The following ADAMTSL1 variants were observed in gnomAD, a reference collection of about 807,000 sequenced individuals.
ADAMTSL1 encodes the protein ADAMTS like 1, also known as ADAMTS-like protein 1.
A neutral mutation model predicts 201.8 loss-of-function variants in ADAMTSL1; 126 were observed. The observed-to-expected ratio is 0.62, with a 90% CI of 0.54 to 0.72. The LOEUF (loss-of-function observed/expected upper bound fraction) is 0.72, where lower values mean the gene tolerates loss of function less well. ADAMTSL1 is among the 30% of genes least tolerant of loss of function. ADAMTSL1 has a pLI of 0.00. For synonymous variants in ADAMTSL1, 1,121 were observed against 903.4 expected (o/e 1.24, Z -4.32); for missense variants, 2,679 against 2,277.8 (o/e 1.18, Z -3.59).
At chr9:18,092,071 C>T (rs988967441) in intron 1 of ADAMTSL1, among the ~76,000 whole-genome samples, 4 of 152,004 alleles carry the variant, frequency 2.6e-5, no homozygotes, top group Non-Finnish European at 5.9e-5. Context: ...ATACTACATC[C>T]CCAAGCAGCT....
At chr9:18,756,076 A>AATATATATATATATATATAT (rs55717414) in intron 16 of ADAMTSL1, among the ~76,000 whole-genome samples, 49 of 80,702 alleles carry the variant, frequency 6.1e-4, no homozygotes, top group Non-Finnish European at 8.4e-4. Flanking sequence ...CTCTACTGAA[A>AATATATATATATATATATAT]ATATATATAT....
chr9:17,978,078 G>A (rs1209193080), intron 1 of ADAMTSL1, among the ~76,000 whole-genome samples: 2 of 151,792 alleles, frequency 1.3e-5, no homozygotes, highest in African/African-American at 2.4e-5. Flanking sequence ...CTCTTTACTG[G>A]TTTTAAAGTC....
chr9:18,254,366 T>G (rs1328069937), intron 2 of ADAMTSL1, among the ~76,000 whole-genome samples: 1 of 115,528 alleles, frequency 8.7e-6, no homozygotes, highest in Non-Finnish European at 1.8e-5. Context: ...TTTTTTTTTT[T>G]TTTTTTTTTT....
chr9:18,577,860 A>G (rs1216725424), intron 4 of ADAMTSL1, among the ~76,000 whole-genome samples: 2 of 152,190 alleles, frequency 1.3e-5, no homozygotes, highest in Non-Finnish European at 2.9e-5. Context: ...TACTATCCCC[A>G]TCATCATTTC....
intron 2 of ADAMTSL1, among the ~76,000 whole-genome samples, chr9:18,221,659 C>G (rs570517899): frequency 1.3e-5 from 2 of 152,114 alleles, no homozygotes; most frequent in South Asian, 4.2e-4. Flanking sequence ...TTTCTAATTT[C>G]CATTATAATT....
At chr9:18,531,889 C>A (rs1362850876) in intron 2 of ADAMTSL1, among the ~76,000 whole-genome samples, 4 of 152,146 alleles carry the variant, frequency 2.6e-5, no homozygotes, top group Non-Finnish European at 4.4e-5. Context: ...AATTTTAGCT[C>A]TACAACTTAA....
chr9:18,446,095 A>G (rs1563965733), intron 2 of ADAMTSL1, among the ~76,000 whole-genome samples: 1 of 152,148 alleles, frequency 6.6e-6, no homozygotes, highest in East Asian at 1.9e-4. Flanking sequence ...TCCTGTATTG[A>G]ACAACATTTA....
chr9:18,186,832 AACAC>A (rs35993162), intron 2 of ADAMTSL1, among the ~76,000 whole-genome samples: 46,513 of 149,458 alleles, frequency 0.31, 7,444 homozygotes, highest in South Asian at 0.43. Context: ...ATCACTGTAC[AACAC>A]ACACACACAC....
intron 1 of ADAMTSL1, among the ~76,000 whole-genome samples, chr9:18,076,673 G>A (rs1034226555): frequency 2.6e-5 from 4 of 152,178 alleles, no homozygotes; most frequent in African/African-American, 9.7e-5. Flanking sequence ...GCTAATGTTG[G>A]CCAGTGTGGC....
chr9:18,182,754 C>T (rs973204519), intron 2 of ADAMTSL1, among the ~76,000 whole-genome samples: 2 of 152,258 alleles, frequency 1.3e-5, no homozygotes, highest in South Asian at 2.1e-4. Flanking sequence ...AACTGAGGCA[C>T]GGAGTGATTA....
intron 1 of ADAMTSL1, among the ~76,000 whole-genome samples, chr9:18,049,772 C>T (rs1012647529): frequency 1.6e-4 from 25 of 152,120 alleles, no homozygotes; most frequent in African/African-American, 5.6e-4. Flanking sequence ...TACAGGCGCC[C>T]ACCACTGCGC....
At chr9:18,305,855 T>C (rs1747706640) in intron 2 of ADAMTSL1, among the ~76,000 whole-genome samples, 1 of 151,946 alleles carries the variant, frequency 6.6e-6, no homozygotes. Flanking sequence ...ACTCAAGCTC[T>C]ACTAAGAGAC....
chr9:18,557,519 C>T (rs909805807), intron 3 of ADAMTSL1, among the ~76,000 whole-genome samples: 3 of 151,960 alleles, frequency 2.0e-5, no homozygotes, highest in African/African-American at 7.3e-5. Flanking sequence ...ATTCATGGTG[C>T]TGTGTTGCAT....
intron 1 of ADAMTSL1, among the ~76,000 whole-genome samples, chr9:18,480,833 A>G (rs1263804535): frequency 2.0e-5 from 3 of 152,182 alleles, no homozygotes; most frequent in Admixed American, 2.0e-4. Context: ...CAGGGAAAAT[A>G]GGAAAATGGG....
chr9:18,488,078 G>A (rs936439690), intron 1 of ADAMTSL1, among the ~76,000 whole-genome samples: 3 of 152,118 alleles, frequency 2.0e-5, no homozygotes, highest in Non-Finnish European at 4.4e-5. Flanking sequence ...AATATCTAAC[G>A]AATAGAAGCA....
chr9:18,655,243 A>C, intron 7 of ADAMTSL1, among the ~76,000 whole-genome samples: 1 of 152,172 alleles, frequency 6.6e-6, no homozygotes, highest in East Asian at 1.9e-4. Flanking sequence ...TTAAAGCTCA[A>C]CCATAACCCC....
chr9:18,032,264 C>A (rs1248854239), intron 1 of ADAMTSL1, among the ~76,000 whole-genome samples: 2 of 152,192 alleles, frequency 1.3e-5, no homozygotes, highest in Non-Finnish European at 2.9e-5. Context: ...GTGGTGGCTC[C>A]TCCTCTGCCC....
chr9:18,371,068 A>T (rs1233181941), intron 2 of ADAMTSL1, among the ~76,000 whole-genome samples: 1 of 152,184 alleles, frequency 6.6e-6, no homozygotes, highest in Non-Finnish European at 1.5e-5. Context: ...ATATTTGAGT[A>T]ACAACATATC....
At chr9:18,121,050 A>T (rs1564011229) in intron 1 of ADAMTSL1, among the ~76,000 whole-genome samples, 1 of 152,132 alleles carries the variant, frequency 6.6e-6, no homozygotes, top group Non-Finnish European at 1.5e-5. Context: ...TACTGCAATG[A>T]CATTTTAAAA....
Sources: allele counts gnomAD v4.1 joint callset (sites outside exome capture counted in the v4.1 genomes callset), GRCh38; gene constraint gnomAD v4.1.1; transcripts MANE v1.5; gene names NCBI Gene and HGNC (gene_info 2026-07-23, HGNC 2026-07-21).